Variants in ANTXR1 observed in about 807,000 individuals in gnomAD.
The protein encoded by ANTXR1 is anthrax toxin receptor 1.
A neutral mutation model predicts 78.1 loss-of-function variants in ANTXR1; 19 were observed. The ratio of observed to expected loss-of-function variants is 0.24; its 90% CI spans 0.17 to 0.36. The LOEUF (loss-of-function observed/expected upper bound fraction) is 0.36, where lower values mean the gene tolerates loss of function less well. ANTXR1 is among the 10% of genes least tolerant of loss of function. The pLI is 1.00. For missense variants in ANTXR1, 518 were observed against 718.6 expected (o/e 0.72, Z 3.19); for synonymous variants, 273 against 260.5 (o/e 1.05, Z -0.46).
At chr2:69,048,429 T>A (rs938578113) in intron 3 of ANTXR1, among the ~76,000 whole-genome samples, 5 of 152,206 alleles carry the variant, frequency 3.3e-5, no homozygotes, top group Non-Finnish European at 5.9e-5. Flanking sequence ...AGCACCCCTA[T>A]TTATAACTGT....
chr2:69,205,265 G>A (rs1288742430), intron 17 of ANTXR1, among the ~76,000 whole-genome samples: 5 of 152,180 alleles, frequency 3.3e-5, no homozygotes, highest in Middle Eastern at 3.4e-3. Context: ...GAGAAGGGCC[G>A]CCTTCTAGTT....
chr2:69,076,361 A>C (rs975167580), intron 7 of ANTXR1, among the ~76,000 whole-genome samples: 3 of 152,240 alleles, frequency 2.0e-5, no homozygotes, highest in African/African-American at 7.2e-5. Context: ...TATTTTCAAC[A>C]CAAAAATATG....
At chr2:69,199,682 G>A (rs1674731067) in intron 17 of ANTXR1, among the ~76,000 whole-genome samples, 1 of 152,088 alleles carries the variant, frequency 6.6e-6, no homozygotes, top group Non-Finnish European at 1.5e-5. Flanking sequence ...CTGTTTAATT[G>A]TTCTGTGATG....
chr2:69,245,210 C>T lies in ANTXR1; in HGVS notation c.1435-15C>T. The T allele has an allele frequency of 6.2e-7, 1 of 1,614,028 alleles. No homozygotes were observed. Among genetic ancestry groups the T allele is most frequent in the South Asian group, 1.1e-5 (1 of 91,068 alleles). ...GCCGTCCGCTCACGTTTCCTTCTCTCCAATTCTTTTCTAGGGGCGCTGCAT... is the reference window on the plus strand; with the variant it reads ...GCCGTCCGCTCACGTTTCCTTCTCTTCAATTCTTTTCTAGGGGCGCTGCAT... On this transcript the variant is annotated splice_polypyrimidine_tract_variant and intron_variant, in intron 17 of 17. Transcript: ENST00000303714.
chr2:69,018,846 C>T (rs1671102318), intron 1 of ANTXR1, among the ~76,000 whole-genome samples: 1 of 152,140 alleles, frequency 6.6e-6, no homozygotes, highest in South Asian at 2.1e-4. Flanking sequence ...AATTCAAAAT[C>T]CCCGCATCAG....
At chr2:69,181,638 T>C in intron 14 of ANTXR1, 148 bp from the exon 15 acceptor site, 1 of 795,750 alleles carries the variant, frequency 1.3e-6, no homozygotes. Context: ...TTTCAGTGAT[T>C]GGCCCAAGGT....
At chr2:69,081,449 T>C (rs1413154496) in intron 8 of ANTXR1, among the ~76,000 whole-genome samples, 1 of 152,232 alleles carries the variant, frequency 6.6e-6, no homozygotes, top group African/African-American at 2.4e-5. Flanking sequence ...GAAGTACTTA[T>C]GTGTCAGATT....
chr2:69,088,772 A>T (rs1671135905), intron 8 of ANTXR1, among the ~76,000 whole-genome samples: 1 of 152,238 alleles, frequency 6.6e-6, no homozygotes, highest in African/African-American at 2.4e-5. Flanking sequence ...ACCATAAGGC[A>T]CTGGGGAAGC....
rs147738063 is a variant in ANTXR1, at chr2:69,206,713, T to G, written c.1434+13298T>G. On this transcript the variant is annotated intron_variant, in intron 17 of 17. Coordinates refer to ENST00000303714, the MANE Select transcript of ANTXR1 (RefSeq NM_032208.3). ...CAGAGCTGAGGCCACCCTCTGTGCT[T>G]GTAAACAATAAGCACACCCCCCAAA... is the stretch of plus-strand genomic sequence containing the variant. 1.1e-3 allele frequency among the ~76,000 whole-genome samples: 160 copies of G among 152,244 alleles called. 1 individual carries two copies. In the East Asian group the frequency reaches 0.019, roughly 18 times the overall value.
At chr2:69,218,900 A>G (rs1418438618) in intron 17 of ANTXR1, among the ~76,000 whole-genome samples, 1 of 152,182 alleles carries the variant, frequency 6.6e-6, no homozygotes, top group East Asian at 1.9e-4. Context: ...AAATGGTTCC[A>G]AAGGCCGGAG....
At chr2:69,243,542 A>T (rs1354036759) in intron 17 of ANTXR1, among the ~76,000 whole-genome samples, 2 of 152,098 alleles carry the variant, frequency 1.3e-5, no homozygotes, top group African/African-American at 4.8e-5. Flanking sequence ...ACAAGGAGGG[A>T]AGGTTTGCTC....
intron 17 of ANTXR1, among the ~76,000 whole-genome samples, chr2:69,197,674 T>C (rs866705972): frequency 1.3e-5 from 2 of 152,210 alleles, no homozygotes; most frequent in African/African-American, 4.8e-5. Flanking sequence ...AGAACACATT[T>C]GACAGAGCCT....
chr2:69,200,619 A>G (rs1242777504), intron 17 of ANTXR1, among the ~76,000 whole-genome samples: 1 of 151,740 alleles, frequency 6.6e-6, no homozygotes, highest in East Asian at 1.9e-4. Flanking sequence ...TTCACTGCCA[A>G]TTTCTAAGGC....
At chr2:69,106,111 C>T (rs62133511) in intron 10 of ANTXR1, among the ~76,000 whole-genome samples, 1,910 of 152,262 alleles carry the variant, frequency 0.013, 25 homozygotes, top group Non-Finnish European at 0.02. Context: ...AACAACTTTG[C>T]AAATTGATCA....
intron 10 of ANTXR1, among the ~76,000 whole-genome samples, chr2:69,111,766 C>T (rs1671986997): frequency 6.6e-6 from 1 of 152,212 alleles, no homozygotes; most frequent in Non-Finnish European, 1.5e-5. Context: ...AGACAACACT[C>T]ATTCGAACGT....
chr2:69,057,128 A>G (rs888937200), intron 3 of ANTXR1, among the ~76,000 whole-genome samples: 13 of 152,204 alleles, frequency 8.5e-5, no homozygotes, highest in African/African-American at 3.1e-4. Context: ...CTATTTTGTC[A>G]TATTTTATTG....
At chr2:69,053,180 G>A (rs1669974163) in intron 3 of ANTXR1, among the ~76,000 whole-genome samples, 1 of 152,104 alleles carries the variant, frequency 6.6e-6, no homozygotes, top group South Asian at 2.1e-4. Flanking sequence ...CTTAAAAATG[G>A]AACCACATGG....
At chr2:69,158,861 A>T (rs1673600677) in intron 13 of ANTXR1, among the ~76,000 whole-genome samples, 1 of 152,216 alleles carries the variant, frequency 6.6e-6, no homozygotes, top group Admixed American at 6.5e-5. Flanking sequence ...TTTAATCTGG[A>T]CATAGTCCCA....
intron 3 of ANTXR1, among the ~76,000 whole-genome samples, chr2:69,068,854 G>T (rs1394957118): frequency 6.6e-6 from 1 of 152,212 alleles, no homozygotes; most frequent in Non-Finnish European, 1.5e-5. Context: ...AGTGGTGTTG[G>T]CTGAAGAGAT....
Sources: gnomAD v4.1 joint callset for allele counts (sites outside exome capture counted in the v4.1 genomes callset) on GRCh38, gnomAD v4.1.1 for gene constraint, MANE v1.5 for transcripts, NCBI Gene and HGNC (gene_info 2026-07-23, HGNC 2026-07-21) for gene names.